The following PCDHA6 variants were observed in gnomAD, a reference collection of about 807,000 sequenced individuals.
PCDHA6 encodes protocadherin alpha-6.
Under a neutral mutation model 60.3 loss-of-function variants are expected in PCDHA6, and 55 were observed. The ratio of observed to expected loss-of-function variants is 0.91; its 90% CI spans 0.73 to 1.14. The LOEUF (loss-of-function observed/expected upper bound fraction) is 1.14, where lower values mean the gene tolerates loss of function less well. Ranked by LOEUF, PCDHA6 falls within the 50% of genes most tolerant of loss-of-function variation. PCDHA6 has a pLI of 0.00. For missense variants in PCDHA6, 1,327 were observed against 1,256.5 expected, an observed-to-expected ratio of 1.06 and a Z score of -0.85; for synonymous variants, 652 against 557.9, an observed-to-expected ratio of 1.17 and a Z score of -2.38.
At chr5:140,883,920 T>C in intron 1 of PCDHA6, 1 of 1,613,492 alleles carries the variant, frequency 6.2e-7, no homozygotes, top group Non-Finnish European at 8.5e-7. Flanking sequence ...AACGTGACGC[T>C]GCAGGTGTTC....
chr5:140,856,559 C>G lies in PCDHA6; in HGVS notation c.2394+26074C>G, dbSNP rs782226001. On this transcript the variant is annotated intron_variant, in intron 1 of 3. Coordinates refer to ENST00000529310, the MANE Select transcript of PCDHA6 (RefSeq NM_018909.4). ...AGAGAACGCATTGCTTACTTACAAACTCAGTCCAAATGAGTATTTTGTTCT... is the reference window on the plus strand; with the variant it reads ...AGAGAACGCATTGCTTACTTACAAAGTCAGTCCAAATGAGTATTTTGTTCT... 6 of 1,597,988 alleles carry G rather than the reference C, an allele frequency of 3.8e-6. No homozygotes were observed. In the Middle Eastern group the frequency reaches 5.0e-4, roughly 133 times the overall value.
chr5:140,931,086 A>G (rs2087290662), intron 1 of PCDHA6, among the ~76,000 whole-genome samples: 1 of 152,204 alleles, frequency 6.6e-6, no homozygotes, highest in Non-Finnish European at 1.5e-5. Context: ...CCAGTTCTAC[A>G]GATGACAAAG....
chr5:140,975,358 A>T (rs1212652611), intron 1 of PCDHA6, among the ~76,000 whole-genome samples: 1 of 152,258 alleles, frequency 6.6e-6, no homozygotes, highest in East Asian at 1.9e-4. Flanking sequence ...CAACTGTGCT[A>T]CATAGCATAA....
intron 1 of PCDHA6, chr5:140,871,246 C>A: frequency 6.2e-7 from 1 of 1,613,982 alleles, no homozygotes; most frequent in Non-Finnish European, 8.5e-7. Flanking sequence ...ACTCACGCTG[C>A]TGCTGTATAC....
intron 1 of PCDHA6, chr5:140,849,989 G>A: frequency 2.5e-6 from 4 of 1,597,330 alleles, no homozygotes; most frequent in Non-Finnish European, 3.4e-6. Flanking sequence ...TGGAGCGGCG[G>A]TTGGGCGAGC....
intron 3 of PCDHA6, among the ~76,000 whole-genome samples, chr5:140,992,490 G>A (rs2097515419): frequency 6.6e-6 from 1 of 152,196 alleles, no homozygotes; most frequent in Non-Finnish European, 1.5e-5. Flanking sequence ...AGGCCAATCT[G>A]TAAGGATTCA....
intron 3 of PCDHA6, among the ~76,000 whole-genome samples, chr5:140,990,330 A>C (rs1554251426): frequency 6.6e-6 from 1 of 152,122 alleles, no homozygotes; most frequent in African/African-American, 2.4e-5. Context: ...AAACTTTAAA[A>C]ATAAGTAAAG....
intron 1 of PCDHA6, among the ~76,000 whole-genome samples, chr5:140,838,075 A>AGTGTGTGTGTGTGTG (rs781914509): frequency 1.6e-5 from 2 of 128,136 alleles, no homozygotes; most frequent in South Asian, 5.3e-4. Context: ...TTATATATAT[A>AGTGTGTGTGTGTGTG]TAGTGTGTGT....
intron 1 of PCDHA6, among the ~76,000 whole-genome samples, chr5:140,913,386 T>C (rs1317540233): frequency 6.6e-6 from 1 of 152,228 alleles, no homozygotes; most frequent in Non-Finnish European, 1.5e-5. Context: ...TGGCTCATCA[T>C]AGCCACTAAT....
rs1488596274 is a variant in PCDHA6, at chr5:140,841,538, G to A, written c.2394+11053G>A. 4 of 1,613,606 alleles carry A rather than the reference G, an allele frequency of 2.5e-6. No homozygotes were observed. The African/African-American group carries it at 5.3e-5, about 22-fold the overall frequency. ...CCGGGTGGCGTCCAAAAGACACCGG[G>A]ACCTTCTGGAGGTAAGTCTGCAGAA... On this transcript the variant is annotated intron_variant, in intron 1 of 3. Transcript: ENST00000529310.
intron 1 of PCDHA6, among the ~76,000 whole-genome samples, chr5:140,925,742 AAG>A (rs1403200881): frequency 2.0e-5 from 3 of 151,862 alleles, no homozygotes; most frequent in South Asian, 4.2e-4. Context: ...TATTTACAGA[AAG>A]AAAATTTACA....
chr5:140,889,893 C>A (rs1275511475), intron 1 of PCDHA6, among the ~76,000 whole-genome samples: 2 of 152,158 alleles, frequency 1.3e-5, no homozygotes, highest in Admixed American at 1.3e-4. Flanking sequence ...AGAATTCTGA[C>A]TACCTTGAGA....
chr5:140,951,210 G>C (rs541010152), intron 1 of PCDHA6, among the ~76,000 whole-genome samples: 4 of 151,862 alleles, frequency 2.6e-5, no homozygotes, highest in African/African-American at 9.7e-5. Flanking sequence ...TGTCATCTCA[G>C]GTTTGGATTC....
At chr5:140,899,841 T>C (rs2067584927) in intron 1 of PCDHA6, among the ~76,000 whole-genome samples, 1 of 152,208 alleles carries the variant, frequency 6.6e-6, no homozygotes, top group Non-Finnish European at 1.5e-5. Flanking sequence ...CAGGTCTTGC[T>C]GTGTCACCCA....
chr5:140,835,505 G>A (rs2150237079), intron 1 of PCDHA6: 1 of 1,613,954 alleles, frequency 6.2e-7, no homozygotes, highest in Admixed American at 1.7e-5. Flanking sequence ...TGATTAGCGT[G>A]TTTGACCGAG....
At chr5:140,844,668 T>A (rs540390945) in intron 1 of PCDHA6, among the ~76,000 whole-genome samples, 1 of 149,604 alleles carries the variant, frequency 6.7e-6, no homozygotes, top group Non-Finnish European at 1.5e-5. Flanking sequence ...AAACATATAA[T>A]TTATAAATCC....
At position 140,875,345 on chromosome 5, in the gene PCDHA6, A is replaced by T. The variant is rs183266244; in HGVS notation, c.2394+44860A>T. 3,872 of 1,443,290 alleles carry T rather than the reference A, an allele frequency of 2.7e-3. 16 individuals are homozygous for T. The highest frequency in any genetic ancestry group is 0.011 in the African/African-American group (735 of 69,882). 89.4% of individuals were successfully genotyped at this position (1,443,290 alleles called of 1,614,324 possible). On this transcript the variant is annotated intron_variant, in intron 1 of 3. Coordinates refer to ENST00000529310, the MANE Select transcript of PCDHA6 (RefSeq NM_018909.4). ...TTCACGGAATAGGATCGACTCCATA[A>T]TGACTGTGATGCTGGAAAAAATTTA...
intron 1 of PCDHA6, chr5:140,967,260 C>G: frequency 6.2e-7 from 1 of 1,613,500 alleles, no homozygotes; most frequent in Non-Finnish European, 8.5e-7. Flanking sequence ...GCGCCTGGAG[C>G]GCGCTTTCAC....
At chr5:140,941,409 C>G (rs1284702446) in intron 1 of PCDHA6, among the ~76,000 whole-genome samples, 1 of 149,924 alleles carries the variant, frequency 6.7e-6, no homozygotes, top group Non-Finnish European at 1.5e-5. Flanking sequence ...CTCCGCCTCC[C>G]GGGTTCAAGC....
Sources: gnomAD v4.1 joint callset for allele counts (sites outside exome capture counted in the v4.1 genomes callset) on GRCh38, gnomAD v4.1.1 for gene constraint, MANE v1.5 for transcripts, NCBI Gene and HGNC (gene_info 2026-07-23, HGNC 2026-07-21) for gene names.